Variants in FAHD2B observed in about 807,000 individuals in gnomAD.
FAHD2B encodes oxaloacetate tautomerase FAHD2B, mitochondrial.
Under a neutral mutation model 33.7 loss-of-function variants are expected in FAHD2B, and 26 were observed. The ratio of observed to expected loss-of-function variants is 0.77; its 90% confidence interval spans 0.57 to 1.07. The LOEUF is 1.07. FAHD2B is among the 50% of genes least tolerant of loss of function. The pLI is 0.00. For synonymous variants in FAHD2B, 108 were observed against 150.9 expected, an observed-to-expected ratio of 0.72 and a Z score of 2.08; for missense variants, 272 against 388.1, an observed-to-expected ratio of 0.70 and a Z score of 2.51.
downstream of FAHD2B, chr2:97,081,526 C>A: frequency 8.4e-6 from 13 of 1,555,674 alleles, no homozygotes; most frequent in African/African-American, 1.5e-5. Context: ...GTAGGCAGGG[C>A]AGTTGGAGAC....
At chr2:97,083,527 C>T (rs1423265509), downstream of FAHD2B, 14 of 905,534 alleles carry the variant, frequency 1.5e-5, no homozygotes, top group South Asian at 1.3e-4. Flanking sequence ...CCACAAAATG[C>T]CCCAACTTGT....
chr2:97,082,672 C>G (rs1487671332), downstream of FAHD2B: 2 of 1,573,674 alleles, frequency 1.3e-6, no homozygotes, highest in Non-Finnish European at 1.7e-6. Flanking sequence ...GTCCTCCCTA[C>G]CTAGAGCCTT....
intron 1 of FAHD2B, 69 bp from the exon 2 acceptor site, chr2:97,092,057 G>A (rs1219159723): frequency 4.8e-6 from 1 of 206,520 alleles, no homozygotes; most frequent in African/African-American, 2.3e-5. Flanking sequence ...GGTCACAGAT[G>A]TTAACAACTG....
downstream of FAHD2B, chr2:97,083,577 C>T (rs1164457103): frequency 8.9e-7 from 1 of 1,128,844 alleles, no homozygotes; most frequent in Non-Finnish European, 1.2e-6. Flanking sequence ...ACAGCACAAG[C>T]CAAGCTGCTG....
At chr2:97,085,020 G>A (rs1263491031) in intron 6 of FAHD2B, among the ~76,000 whole-genome samples, 13 of 152,136 alleles carry the variant, frequency 8.5e-5, no homozygotes, top group Non-Finnish European at 1.8e-4. Context: ...ATTACTGTAA[G>A]AACATCCTGG....
At chr2:97,089,552 T>G (rs1395822799) in intron 4 of FAHD2B, among the ~76,000 whole-genome samples, 1 of 150,296 alleles carries the variant, frequency 6.7e-6, no homozygotes. Context: ...TAATAATATA[T>G]TAATGGACAT....
chr2:97,082,443 G>C, downstream of FAHD2B: 7 of 1,613,590 alleles, frequency 4.3e-6, no homozygotes, highest in East Asian at 2.2e-5. Context: ...GCAGGCCACC[G>C]CCCAGGAAGA....
At chr2:97,088,813 A>G (rs1415050450) in intron 4 of FAHD2B, among the ~76,000 whole-genome samples, 2 of 152,078 alleles carry the variant, frequency 1.3e-5, no homozygotes, top group African/African-American at 4.8e-5. Context: ...CTTGGCTGTG[A>G]TAATGGTATG....
At chr2:97,094,350 GGTACTA>G (rs1485157903) in intron 1 of FAHD2B, among the ~76,000 whole-genome samples, 2 of 146,834 alleles carry the variant, frequency 1.4e-5, no homozygotes, top group African/African-American at 2.5e-5. Flanking sequence ...AGGTGCCCAA[GGTACTA>G]GTCAGAAAGT....
chr2:97,091,330 C>T (rs1257085), intron 3 of FAHD2B, 132 bp downstream of exon 3: 728,418 of 1,016,416 alleles, frequency 0.72, 266,854 homozygotes, highest in African/African-American at 0.87. Flanking sequence ...TTTAAGAGAA[C>T]GGGAGAAAAG....
chr2:97,081,039 G>A, downstream of FAHD2B: 5 of 1,408,752 alleles, frequency 3.5e-6, no homozygotes, highest in Non-Finnish European at 2.8e-6. Context: ...AGGCCGAGGT[G>A]GGATGTGTGT....
downstream of FAHD2B, chr2:97,082,528 C>G: frequency 6.2e-7 from 1 of 1,604,302 alleles, no homozygotes; most frequent in African/African-American, 1.3e-5. Context: ...GCTGCTGCCC[C>G]CTGCCAGACA....
At chr2:97,080,929 T>C (rs1201908787), downstream of FAHD2B, among the ~76,000 whole-genome samples, 1 of 152,112 alleles carries the variant, frequency 6.6e-6, no homozygotes, top group African/African-American at 2.4e-5. Context: ...TTTTTGCACA[T>C]TAATTTTGTA....
chr2:97,091,842 C>T (rs145518288), intron 2 of FAHD2B, 21 bp downstream of exon 2: 89 of 1,384,026 alleles, frequency 6.4e-5, no homozygotes, highest in Middle Eastern at 5.6e-4. Context: ...ACACGGGAAG[C>T]GGTCCAGGCT....
intron 7 of FAHD2B, 22 bp from the exon 8 acceptor site, chr2:97,084,057 C>G (rs757804155): frequency 9.9e-6 from 16 of 1,610,476 alleles, no homozygotes; most frequent in Admixed American, 6.7e-5. Context: ...CAAAAGGACC[C>G]AGTGAGACCA....
rs373092172 is a variant in FAHD2B, at chr2:97,086,212, G to A, written c.463-14C>T. The A allele has an allele frequency of 1.1e-5, 18 of 1,610,002 alleles. No individual in the cohort carries two copies. The African/African-American group carries it at 2.3e-4, about 20-fold the overall frequency. ...CCAATCTACCTCCTGTAGGGTGGGA[G>A]AGGAATAGTGAGCCGCAGTGGCTTC... is the stretch of plus-strand genomic sequence containing the variant. On this transcript the variant is annotated splice_polypyrimidine_tract_variant and intron_variant, in intron 4 of 8. Transcript: ENST00000414820.
chr2:97,086,546 T>C, intron 4 of FAHD2B: 1 of 257,878 alleles, frequency 3.9e-6, no homozygotes, highest in Non-Finnish European at 7.6e-6. Context: ...CCTTACTGTG[T>C]GTCAGGCACT....
chr2:97,079,225 A>G (rs1405267675), downstream of FAHD2B, among the ~76,000 whole-genome samples: 1 of 152,098 alleles, frequency 6.6e-6, no homozygotes, highest in Non-Finnish European at 1.5e-5. Flanking sequence ...TAGTGCTGCA[A>G]TGGACGCATG....
rs2031749145 is a variant in FAHD2B at position 97,083,640 on chromosome 2, A to C, written c.*115T>G. 3.9e-6 allele frequency: 6 copies of C among 1,538,824 alleles called. No individual in the cohort carries two copies. The highest frequency in any genetic ancestry group is 5.3e-6 in the Non-Finnish European group (6 of 1,123,920). ...AGCTCTGTCCTTCTCCCTTCTACCG[A>C]GAAGAGGCGGCTTGCAGGGCTGGCA... On this transcript the variant is annotated 3_prime_UTR_variant, in exon 9 of 9. Coordinates refer to ENST00000414820, the MANE Select transcript of FAHD2B (RefSeq NM_001320848.2).
Sources: gnomAD v4.1 joint callset for allele counts (sites outside exome capture counted in the v4.1 genomes callset) on GRCh38, gnomAD v4.1.1 for gene constraint, MANE v1.5 for transcripts, NCBI Gene and HGNC (gene_info 2026-07-23, HGNC 2026-07-21) for gene names.